The following COL5A1 variants were observed in gnomAD, a reference collection of about 807,000 sequenced individuals.
The protein encoded by COL5A1 is collagen type V alpha 1 chain, also known as collagen alpha-1(V) chain.
A neutral mutation model predicts 263.7 loss-of-function variants in COL5A1; 16 were observed. That is an observed-to-expected ratio of 0.06 (90% CI 0.04 to 0.09). COL5A1 has a LOEUF of 0.09. Ranked by LOEUF, COL5A1 falls within the 10% of genes least tolerant of loss-of-function variation. COL5A1 has a pLI of 1.00. For missense variants in COL5A1, 2,036 were observed against 2,540.5 expected (o/e 0.80, Z 4.27); for synonymous variants, 1,012 against 1,004.5 (o/e 1.01, Z -0.14).
intron 11 of COL5A1, among the ~76,000 whole-genome samples, chr9:134,744,281 G>A (rs1835392974): frequency 2.0e-5 from 3 of 151,614 alleles, no homozygotes; most frequent in Non-Finnish European, 1.5e-5. Context: ...AAGCACACAC[G>A]CTTGCACACT....
chr9:134,684,928 T>C (rs1004004570), intron 1 of COL5A1, among the ~76,000 whole-genome samples: 2 of 142,418 alleles, frequency 1.4e-5, no homozygotes, highest in Admixed American at 6.8e-5. Flanking sequence ...CATCCATTCA[T>C]CCATCCATCC....
chr9:134,840,560 G>A (rs993294509), intron 65 of COL5A1, among the ~76,000 whole-genome samples: 2 of 152,236 alleles, frequency 1.3e-5, no homozygotes, highest in African/African-American at 4.8e-5. Context: ...ATGTCCGAGG[G>A]TCAGAAGCCT....
chr9:134,810,472 T>C (rs975593743), intron 44 of COL5A1, 164 bp downstream of exon 44: 2 of 635,162 alleles, frequency 3.1e-6, no homozygotes, highest in African/African-American at 3.7e-5. Context: ...CGTGTGTGTG[T>C]GCACACGCGT....
At chr9:134,761,042 C>T (rs546536074) in intron 18 of COL5A1, among the ~76,000 whole-genome samples, 61 of 150,410 alleles carry the variant, frequency 4.1e-4, no homozygotes, top group African/African-American at 1.4e-3. Context: ...ACAGGCTCCA[C>T]ACATGCCCAC....
At chr9:134,720,392 G>T (rs1308662983) in intron 4 of COL5A1, among the ~76,000 whole-genome samples, 2 of 152,222 alleles carry the variant, frequency 1.3e-5, no homozygotes, top group South Asian at 2.1e-4. Context: ...AGGAGAGGAG[G>T]CTTCATCGAC....
intron 4 of COL5A1, among the ~76,000 whole-genome samples, chr9:134,705,096 G>A (rs1357719919): frequency 6.6e-6 from 1 of 152,212 alleles, no homozygotes; most frequent in African/African-American, 2.4e-5. Flanking sequence ...TGTGTTTAGA[G>A]TTATACTGAA....
chr9:134,806,332 CAG>C, intron 42 of COL5A1, 36 bp downstream of exon 42: 1 of 1,438,676 alleles, frequency 7.0e-7, no homozygotes, highest in East Asian at 2.5e-5. Context: ...GCCCTTCCCT[CAG>C]AGATGCTGGG....
chr9:134,648,155 C>T (rs541044960), intron 1 of COL5A1, among the ~76,000 whole-genome samples: 1 of 152,006 alleles, frequency 6.6e-6, no homozygotes, highest in Non-Finnish European at 1.5e-5. Context: ...GTGCTGGACG[C>T]TTCCTGCCCT....
intron 18 of COL5A1, among the ~76,000 whole-genome samples, chr9:134,760,289 AC>A (rs1383331725): frequency 3.3e-4 from 22 of 65,950 alleles, no homozygotes; most frequent in African/African-American, 1.8e-3. Context: ...ACACGCACAC[AC>A]CCCCACACCC....
chr9:134,770,255 T>C (rs1489920313), intron 25 of COL5A1, among the ~76,000 whole-genome samples: 1 of 152,276 alleles, frequency 6.6e-6, no homozygotes, highest in Non-Finnish European at 1.5e-5. Context: ...GTTTTGGTTT[T>C]GGTTTCAAAG....
At chr9:134,759,954 CCCA>C (rs1836244051) in intron 18 of COL5A1, among the ~76,000 whole-genome samples, 1 of 137,308 alleles carries the variant, frequency 7.3e-6, no homozygotes, top group African/African-American at 2.8e-5. Context: ...CCCCCACACC[CCCA>C]CACTCATGCA....
Position 134,782,718 on chromosome 9 carries a change from C to A in COL5A1, c.2482C>A (p.Arg828=). The A allele has an allele frequency of 6.4e-7, 1 of 1,552,716 alleles. No homozygotes were observed. ...AGGAGACATGGGCATCAAGGGTGAT[C>A]GGGTGAGCATCTCAGGTTTGGGATT... The part of the protein sequence containing the change: ...FKGDMGIKGD[R]GEIGPPGPRG... Residue 828 remains arginine, a splice_region_variant and synonymous_variant, in exon 29 of 66, where the codon CGG becomes AGG. Coordinates refer to ENST00000371817, the MANE Select transcript of COL5A1 (RefSeq NM_000093.5).
At chr9:134,823,229 C>T (rs1839095668) in intron 60 of COL5A1, among the ~76,000 whole-genome samples, 187 bp from the exon 61 acceptor site, 1 of 152,238 alleles carries the variant, frequency 6.6e-6, no homozygotes, top group Non-Finnish European at 1.5e-5. Context: ...GGAAGGGCTC[C>T]ATCCCTCTCT....
Position 134,841,503 on chromosome 9 carries a change from C to T in COL5A1, c.5371-654C>T, listed in dbSNP as rs948080880. 1.3e-5 allele frequency among the ~76,000 whole-genome samples: 2 copies of T among 152,136 alleles called. No individual in the cohort carries two copies. Among genetic ancestry groups the T allele is most frequent in the South Asian group, 2.1e-4 (1 of 4,828 alleles). ...GATGGGTGCTGACTCATCCTGCAGG[C>T]CAGGTTCATTGCACTACCCCTGCCC... On this transcript the variant is annotated intron_variant, in intron 65 of 65. Transcript: ENST00000371817. This position sits in a 1 kb window ranked among gnomAD's most constrained non-coding sequence, Gnocchi z 4.8.
intron 1 of COL5A1, among the ~76,000 whole-genome samples, chr9:134,690,221 G>C (rs72772543): frequency 0.067 from 10,201 of 152,222 alleles, 446 homozygotes; most frequent in Non-Finnish European, 0.092. Flanking sequence ...ATGGTCTGGC[G>C]ATGTGGGCAG....
rs1372914791 is a variant in COL5A1, at chr9:134,642,444, G to GC, written c.109+155dup. On this transcript the variant is annotated intron_variant, in intron 1 of 65. Transcript: ENST00000371817. This position sits in a 1 kb window ranked among gnomAD's most constrained non-coding sequence, Gnocchi z 4.5. ...AGACCACGAATGCCATTTGCTGGGG[G>GC]CCCCCCCGAGATGACGACACGCAGA... The GC allele has an allele frequency of 3.2e-5, 5 of 153,940 alleles. No homozygotes were observed. Among genetic ancestry groups the GC allele is most frequent in the Admixed American group, 6.6e-5 (1 of 15,046 alleles). 9.5% of individuals were successfully genotyped at this position (153,940 alleles called of 1,614,324 possible). A position where few individuals can be genotyped will look rare whatever the true frequency, so the allele number is the denominator to read the frequency against.
intron 1 of COL5A1, among the ~76,000 whole-genome samples, chr9:134,655,633 G>T (rs1390047224): frequency 6.6e-6 from 1 of 152,144 alleles, no homozygotes; most frequent in East Asian, 1.9e-4. Flanking sequence ...GCATGCCATT[G>T]GTTCAGAGGT....
At chr9:134,726,454 A>G (rs1244554516) in intron 4 of COL5A1, among the ~76,000 whole-genome samples, 1 of 152,124 alleles carries the variant, frequency 6.6e-6, no homozygotes, top group Non-Finnish European at 1.5e-5. Context: ...GGATGAATGG[A>G]TGAGTGGATG....
chr9:134,681,870 G>A lies in COL5A1; in HGVS notation c.110-9042G>A, dbSNP rs1001745349. On this transcript the variant is annotated intron_variant, in intron 1 of 65. Transcript: ENST00000371817. This position sits in a 1 kb window ranked among gnomAD's most constrained non-coding sequence, Gnocchi z 4.3. ...TGCAGAAACCTCCCCTCTCTTCCTC[G>A]CTCTTCCTCTCTTTCTCTCTCTGTC... 6.6e-6 allele frequency among the ~76,000 whole-genome samples: 1 copy of A among 151,688 alleles called. No homozygotes were observed. The highest frequency in any genetic ancestry group is 1.5e-5 in the Non-Finnish European group (1 of 67,908).
Sources: allele counts gnomAD v4.1 joint callset (sites outside exome capture counted in the v4.1 genomes callset), GRCh38; gene constraint gnomAD v4.1.1; non-coding constraint Gnocchi (gnomAD v3.1); transcripts MANE v1.5; gene names NCBI Gene and HGNC (gene_info 2026-07-23, HGNC 2026-07-21).